Variants in IBTK observed in about 807,000 individuals in gnomAD.
IBTK encodes BTK-binding protein.
A neutral mutation model predicts 154.9 loss-of-function variants in IBTK; 83 were observed. The observed-to-expected ratio is 0.54, with a 90% CI of 0.45 to 0.64. The LOEUF is 0.64. IBTK is among the 30% of genes least tolerant of loss of function. IBTK has a pLI of 0.00. For missense variants in IBTK, 1,332 were observed against 1,584.6 expected, an observed-to-expected ratio of 0.84 and a Z score of 2.71; for synonymous variants, 515 against 536.1, an observed-to-expected ratio of 0.96 and a Z score of 0.54.
chr6:82,228,122 A>G (rs1053049025), intron 4 of IBTK, among the ~76,000 whole-genome samples: 2 of 152,052 alleles, frequency 1.3e-5, no homozygotes, highest in Non-Finnish European at 2.9e-5. Context: ...TACTCACTTT[A>G]CCTTAATAAT....
chr6:82,191,176 G>C lies in IBTK; in HGVS notation c.3472C>G (p.Arg1158Gly). 2 of 1,608,078 alleles carry C rather than the reference G, an allele frequency of 1.2e-6. No individual in the cohort carries two copies. The highest frequency in any genetic ancestry group is 1.7e-6 in the Non-Finnish European group (2 of 1,177,782). ...SHGVKLSQKQ[R>G]KMIALTTKEN... is the part of the protein sequence containing the mutation. ...TTGGTAGTCAATGCAATCATTTTTC[G>C]TTGCTTCTGAGAAAGTTTAACTCCA... is the stretch of plus-strand genomic sequence containing the variant. Residue 1158 changes from arginine to glycine, a missense_variant, in exon 25 of 29, where the codon CGA (arginine) becomes GGA (glycine). Around this residue, in one of 3 missense-constraint regions of IBTK, gnomAD observed 1,134 missense variants for 1,274.7 expected, o/e 0.89. Transcript: ENST00000306270.
rs763305201 is a variant in IBTK at position 82,214,463 on chromosome 6, G to A, written c.1968C>T (p.Asn656=). The A allele has an allele frequency of 1.9e-5, 31 of 1,613,854 alleles. No individual in the cohort carries two copies. In the Admixed American group the frequency reaches 5.0e-4, roughly 26 times the overall value. ...GFKPRIHLNK[N]PEEYQGTLNS... Reference sequence around the variant, plus strand: ...TCAGAGTTCCCTGATATTCTTCTGGGTTTTTGTTTAAGTGTATTCTTGGTT... The same window carrying A: ...TCAGAGTTCCCTGATATTCTTCTGGATTTTTGTTTAAGTGTATTCTTGGTT... The change falls in exon 12 of 29, where the codon AAC becomes AAT. Residue 656 remains asparagine (N), a synonymous_variant. Coordinates refer to ENST00000306270, the MANE Select transcript of IBTK (RefSeq NM_015525.4).
At chr6:82,234,779 C>T (rs935576508) in intron 2 of IBTK, among the ~76,000 whole-genome samples, 2 of 151,984 alleles carry the variant, frequency 1.3e-5, no homozygotes, top group African/African-American at 4.8e-5. Context: ...ATCACATATC[C>T]GACTCTTGCT....
At chr6:82,235,989 G>A (rs574199722) in intron 2 of IBTK, among the ~76,000 whole-genome samples, 60 of 152,024 alleles carry the variant, frequency 3.9e-4, no homozygotes, top group African/African-American at 1.1e-3. Context: ...TTCTCCTGCC[G>A]CAGCCTCCCC....
At chr6:82,172,607 T>A in intron 27 of IBTK, 95 bp from the exon 28 acceptor site, 1 of 1,124,908 alleles carries the variant, frequency 8.9e-7, no homozygotes, top group Non-Finnish European at 1.2e-6. Flanking sequence ...TACAATTCTT[T>A]CCAGTGACCT....
At chr6:82,179,633 T>C (rs901091642) in intron 26 of IBTK, among the ~76,000 whole-genome samples, 24 of 152,204 alleles carry the variant, frequency 1.6e-4, no homozygotes, top group Non-Finnish European at 2.9e-4. Context: ...AGGTCACTGT[T>C]GAACTTAGCC....
chr6:82,171,655 C>T, intron 28 of IBTK, 99 bp from the exon 29 acceptor site: 1 of 967,212 alleles, frequency 1.0e-6, no homozygotes. Context: ...CTATCACTTT[C>T]CATGGATACA....
At chr6:82,247,525 G>A in intron 1 of IBTK, 37 bp downstream of exon 1, 1 of 398,872 alleles carries the variant, frequency 2.5e-6, no homozygotes, top group East Asian at 3.6e-5. Flanking sequence ...AAGGGAAGCC[G>A]CACCGCACGG....
In IBTK at chr6:82,211,589, A is replaced by C. The variant is rs749465478; in HGVS notation, c.2292-17T>G. On this transcript the variant is annotated splice_polypyrimidine_tract_variant and intron_variant, in intron 13 of 28. Coordinates refer to ENST00000306270, the MANE Select transcript of IBTK (RefSeq NM_015525.4). ...AGAAATGAACTGCAAGAAAATGTTT[A>C]ATTGAAGCAAGAGCAATTTCTTTAC... 5 of 1,594,798 alleles carry C rather than the reference A, an allele frequency of 3.1e-6. No individual in the cohort carries two copies. The highest frequency in any genetic ancestry group is 4.3e-6 in the Non-Finnish European group (5 of 1,162,812).
intron 26 of IBTK, among the ~76,000 whole-genome samples, chr6:82,179,684 T>C (rs1490586475): frequency 6.6e-6 from 1 of 152,116 alleles, no homozygotes; most frequent in Non-Finnish European, 1.5e-5. Context: ...GGCTGGGAGA[T>C]AGAATCAATT....
At chr6:82,183,857 C>A (rs1047848447) in intron 25 of IBTK, among the ~76,000 whole-genome samples, 1 of 152,178 alleles carries the variant, frequency 6.6e-6, no homozygotes, top group African/African-American at 2.4e-5. Flanking sequence ...CTGACTAATG[C>A]CATTATCACT....
Position 82,223,842 on chromosome 6 carries a change from C to T in IBTK, c.944-222G>A, listed in dbSNP as rs539052451. 2.0e-3 allele frequency among the ~76,000 whole-genome samples: 307 copies of T among 152,116 alleles called. 2 individuals are homozygous for T. Among genetic ancestry groups the T allele is most frequent in the African/African-American group, 7.2e-3 (300 of 41,494 alleles). On this transcript the variant is annotated intron_variant, in intron 7 of 28. Transcript: ENST00000306270. The stretch of plus-strand genomic sequence containing the variant: ...GTAGGGGCCTCTGGTCCCAGCTATT[C>T]GGGGGGCTGAGATGGGAGGATCGTT...
chr6:82,180,909 T>C (rs1383348600), intron 26 of IBTK, among the ~76,000 whole-genome samples: 1 of 152,086 alleles, frequency 6.6e-6, no homozygotes, highest in African/African-American at 2.4e-5. Flanking sequence ...ACATAACATA[T>C]CTTACTTATT....
At position 82,225,234 on chromosome 6, in the gene IBTK, C is replaced by T. The variant is rs533173580; in HGVS notation, c.825+243G>A. Among the ~76,000 whole-genome samples the T allele has an allele frequency of 2.6e-5, 4 of 152,062 alleles. No homozygotes were observed. In the East Asian group the frequency reaches 5.8e-4, roughly 22 times the overall value. ...CTGAGGCAAGACAATCGCTTGAACC[C>T]GAGGGGCAGAGGTTGCAGTCAGCTG... On this transcript the variant is annotated intron_variant, in intron 6 of 28. Coordinates refer to ENST00000306270, the MANE Select transcript of IBTK (RefSeq NM_015525.4).
chr6:82,214,923 T>A (rs1057240804), intron 11 of IBTK, 94 bp from the exon 12 acceptor site: 32 of 1,337,978 alleles, frequency 2.4e-5, no homozygotes, highest in Non-Finnish European at 2.8e-5. Flanking sequence ...GCAATTTTTT[T>A]AACAATATTT....
chr6:82,244,951 C>G (rs901546606), intron 1 of IBTK, among the ~76,000 whole-genome samples: 1 of 151,894 alleles, frequency 6.6e-6, no homozygotes, highest in African/African-American at 2.4e-5. Context: ...ATTGGGAATA[C>G]AAAAATAATT....
At position 82,231,725 on chromosome 6, in the gene IBTK, A is replaced by C. The variant is rs1770510830; in HGVS notation, c.536T>G (p.Ile179Ser). 1 of 1,600,910 alleles carries C rather than the reference A, an allele frequency of 6.2e-7. No individual in the cohort carries two copies. Among genetic ancestry groups the C allele is most frequent in the Non-Finnish European group, 8.5e-7 (1 of 1,174,830 alleles). ...ATTGTACTTCAAAAATACCTGCTTG[A>C]TATAAATCCCACTCCTGGAGAACAG... Reference protein sequence around the residue: ...VDLFSRSGIYIKQVVLCKFHS... With the variant: ...VDLFSRSGIYSKQVVLCKFHS... Residue 179 changes from isoleucine (I) to serine (S), a missense_variant, in exon 4 of 29, where the codon ATC (isoleucine) becomes AGC (serine). Around this residue, in one of 3 missense-constraint regions of IBTK, gnomAD observed 114 missense variants for 213.7 expected, o/e 0.53. Transcript: ENST00000306270.
chr6:82,175,655 C>T (rs1192004794), intron 26 of IBTK, among the ~76,000 whole-genome samples: 3 of 152,232 alleles, frequency 2.0e-5, no homozygotes, highest in South Asian at 4.2e-4. Context: ...AAGTAGATAT[C>T]GCAAGAGACA....
intron 13 of IBTK, 37 bp downstream of exon 13, chr6:82,212,670 C>T (rs545283138): frequency 7.3e-7 from 1 of 1,368,030 alleles, no homozygotes; most frequent in African/African-American, 1.4e-5. Context: ...GTGCCAAAAT[C>T]CAGACATGAA....
Sources: allele counts gnomAD v4.1 joint callset (sites outside exome capture counted in the v4.1 genomes callset), GRCh38; gene constraint gnomAD v4.1.1; regional missense constraint gnomAD v4.1.1; transcripts MANE v1.5; gene names NCBI Gene and HGNC (gene_info 2026-07-23, HGNC 2026-07-21).